The following DOCK10 variants were observed in gnomAD, a reference collection of about 807,000 sequenced individuals.
DOCK10 encodes dedicator of cytokinesis protein 10.
In DOCK10, 145 loss-of-function variants were observed where a neutral mutation model predicts 280.1. That is an observed-to-expected ratio of 0.52 (90% CI 0.45 to 0.59). The LOEUF (loss-of-function observed/expected upper bound fraction) is 0.59, where lower values mean the gene tolerates loss of function less well. Among genes scored for constraint, DOCK10 ranks in the 20% least tolerant of loss-of-function variants. The pLI, the probability that DOCK10 is intolerant of heterozygous loss-of-function variation, is 0.00. For synonymous variants in DOCK10, 915 were observed against 942.2 expected (o/e 0.97, Z 0.53); for missense variants, 2,368 against 2,651.7 (o/e 0.89, Z 2.35).
chr2:224,830,280 C>G (rs1695141658), intron 27 of DOCK10, among the ~76,000 whole-genome samples: 1 of 152,204 alleles, frequency 6.6e-6, no homozygotes, highest in South Asian at 2.1e-4. Flanking sequence ...TTTCCCATTT[C>G]TTTTTCCTGT....
At chr2:224,844,622 C>G (rs1696206912) in intron 22 of DOCK10, 131 bp downstream of exon 22, 1 of 658,202 alleles carries the variant, frequency 1.5e-6, no homozygotes. Context: ...TAACATTCTT[C>G]CTTTGTAGTA....
At chr2:224,923,759 T>C (rs1701904468) in intron 2 of DOCK10, among the ~76,000 whole-genome samples, 1 of 152,250 alleles carries the variant, frequency 6.6e-6, no homozygotes, top group Non-Finnish European at 1.5e-5. Flanking sequence ...TTTTCTTTCC[T>C]CATTCTTTAG....
At chr2:224,940,491 A>T (rs188300054) in intron 1 of DOCK10, among the ~76,000 whole-genome samples, 30 of 152,270 alleles carry the variant, frequency 2.0e-4, no homozygotes, top group Admixed American at 1.4e-3. Flanking sequence ...TCTGTCTTTG[A>T]GGTGTGGGAA....
chr2:224,876,897 C>T (rs767079390), intron 7 of DOCK10, among the ~76,000 whole-genome samples: 64 of 152,178 alleles, frequency 4.2e-4, no homozygotes, highest in Non-Finnish European at 7.3e-4. Flanking sequence ...TGGCTTCAAA[C>T]GACATCCATG....
rs927552954 is a variant in DOCK10, at chr2:224,773,337, C to G, written c.6024G>C (p.Leu2008=). ...KRRTILTTSH[L]FPYVKKRIQV... ...GTATTCTCTTCTTCACGTAGGGGAACAGGTGACTCGCTGTACAAAAGCCAT... is the reference window on the plus strand; with the variant it reads ...GTATTCTCTTCTTCACGTAGGGGAAGAGGTGACTCGCTGTACAAAAGCCAT... The change falls in exon 53 of 56, where the codon CTG becomes CTC. Residue 2008 remains leucine, a synonymous_variant. Coordinates refer to ENST00000258390, the MANE Select transcript of DOCK10 (RefSeq NM_014689.3). 4 of 1,610,680 alleles carry G rather than the reference C, an allele frequency of 2.5e-6. No individual in the cohort carries two copies. Among genetic ancestry groups the G allele is most frequent in the Non-Finnish European group, 3.4e-6 (4 of 1,178,554 alleles).
intron 1 of DOCK10, among the ~76,000 whole-genome samples, chr2:224,981,237 A>C (rs945066778): frequency 3.3e-5 from 5 of 152,208 alleles, no homozygotes; most frequent in Non-Finnish European, 5.9e-5. Context: ...TTGCTTTTTG[A>C]AAATAAAATA....
At chr2:224,793,648 T>C (rs551810835) in intron 45 of DOCK10, among the ~76,000 whole-genome samples, 191 bp from the exon 46 acceptor site, 3 of 152,196 alleles carry the variant, frequency 2.0e-5, no homozygotes, top group Non-Finnish European at 4.4e-5. Context: ...ATATTTGGGT[T>C]TTTGTTTGTT....
intron 22 of DOCK10, among the ~76,000 whole-genome samples, chr2:224,842,552 T>C (rs923258984): frequency 1.2e-4 from 19 of 152,144 alleles, no homozygotes; most frequent in Non-Finnish European, 2.6e-4. Flanking sequence ...ATTTGTAGCT[T>C]GGGTTTTCCT....
intron 50 of DOCK10, among the ~76,000 whole-genome samples, chr2:224,781,600 T>C (rs1018896423): frequency 2.6e-5 from 4 of 152,234 alleles, no homozygotes; most frequent in Admixed American, 1.3e-4. Context: ...GGTCAGTTTC[T>C]CTTTTGCTTT....
chr2:224,885,804 G>T lies in DOCK10; in HGVS notation c.614C>A (p.Ser205Ter). 1 of 1,611,674 alleles carries T rather than the reference G, an allele frequency of 6.2e-7. No individual in the cohort carries two copies. Among genetic ancestry groups the T allele is most frequent in the South Asian group, 1.1e-5 (1 of 90,636 alleles). The change falls in exon 7 of 56, where the codon TCA becomes TAA. Residue 205 changes from serine to a stop codon, truncating the protein, a stop_gained and splice_region_variant. Coordinates refer to ENST00000258390, the MANE Select transcript of DOCK10 (RefSeq NM_014689.3). LOFTEE classifies it high-confidence loss of function. ...CAGCTGGAAGTAGCGCTTTTTGAAT[G>T]ACTAAATAAAGGAAAAGATATAAGG... is the stretch of plus-strand genomic sequence containing the variant. ...STVNNTVTVR[S>*]FKKRYFQLTQ... is the part of the protein sequence containing the mutation.
At chr2:224,803,670 A>G (rs1693164223) in intron 39 of DOCK10, among the ~76,000 whole-genome samples, 1 of 152,114 alleles carries the variant, frequency 6.6e-6, no homozygotes, top group Non-Finnish European at 1.5e-5. Context: ...TTAAAAAACA[A>G]TTTCAGCTTC....
intron 4 of DOCK10, among the ~76,000 whole-genome samples, chr2:224,887,265 C>T (rs537454637): frequency 6.6e-6 from 1 of 152,232 alleles, no homozygotes; most frequent in East Asian, 1.9e-4. Context: ...ACTGGAAGAG[C>T]CCCAGCCCTG....
At chr2:224,896,649 GGAGGTTGCAGTGAGCC>G (rs1197891858) in intron 3 of DOCK10, among the ~76,000 whole-genome samples, 1 of 152,188 alleles carries the variant, frequency 6.6e-6, no homozygotes, top group Non-Finnish European at 1.5e-5. Flanking sequence ...CCCAGGAGGT[GGAGGTTGCAGTGAGCC>G]GAGATCACGC....
At chr2:224,828,220 C>G (rs887527026) in intron 27 of DOCK10, among the ~76,000 whole-genome samples, 2 of 152,150 alleles carry the variant, frequency 1.3e-5, no homozygotes, top group Non-Finnish European at 2.9e-5. Context: ...CATGTACCAC[C>G]AGGAGGTAGG....
At chr2:224,835,110 A>G (rs1254240207) in intron 25 of DOCK10, among the ~76,000 whole-genome samples, 1 of 152,236 alleles carries the variant, frequency 6.6e-6, no homozygotes, top group Admixed American at 6.5e-5. Flanking sequence ...TTTGTAGCAC[A>G]TTGGCACCTA....
At chr2:225,020,674 C>T (rs1017150978) in intron 1 of DOCK10, among the ~76,000 whole-genome samples, 4 of 152,174 alleles carry the variant, frequency 2.6e-5, no homozygotes, top group Non-Finnish European at 2.9e-5. Context: ...AAATGCGTTG[C>T]AAGCAACTCA....
chr2:224,849,659 A>T, intron 18 of DOCK10, 60 bp from the exon 19 acceptor site: 1 of 1,263,752 alleles, frequency 7.9e-7, no homozygotes, highest in Admixed American at 2.0e-5. Flanking sequence ...CTGGGTGAAA[A>T]AAAAGTCCAT....
chr2:224,966,344 T>G (rs1306891932), intron 1 of DOCK10, among the ~76,000 whole-genome samples: 1 of 130,594 alleles, frequency 7.7e-6, no homozygotes, highest in Non-Finnish European at 1.5e-5. Flanking sequence ...TATAGAGAGA[T>G]AACCTTATTT....
intron 47 of DOCK10, among the ~76,000 whole-genome samples, chr2:224,791,207 A>G (rs534915378): frequency 7.9e-5 from 12 of 152,320 alleles, no homozygotes; most frequent in Admixed American, 4.6e-4. Flanking sequence ...GAAAGTCTTT[A>G]TGGAACGTTA....
Sources: gnomAD v4.1 joint callset for allele counts (sites outside exome capture counted in the v4.1 genomes callset) on GRCh38, gnomAD v4.1.1 for gene constraint, MANE v1.5 for transcripts, NCBI Gene and HGNC (gene_info 2026-07-23, HGNC 2026-07-21) for gene names.